TTC17: variants seen among roughly 807,000 people sequenced by gnomAD.
TTC17 encodes the protein tetratricopeptide repeat domain 17, also known as tetratricopeptide repeat protein 17.
TTC17 carries 58 observed loss-of-function variants against 143.8 expected under a neutral mutation model. The observed-to-expected ratio is 0.40, with a 90% CI of 0.33 to 0.50. The LOEUF (loss-of-function observed/expected upper bound fraction) is 0.50, where lower values mean the gene tolerates loss of function less well. TTC17 is among the 20% of genes least tolerant of loss of function. The pLI is 0.49. For synonymous variants in TTC17, 501 were observed against 497.8 expected (o/e 1.01, Z -0.09); for missense variants, 1,273 against 1,392.5 (o/e 0.91, Z 1.37).
At chr11:43,481,353 T>G (rs927105256) in intron 21 of TTC17, among the ~76,000 whole-genome samples, 6 of 152,154 alleles carry the variant, frequency 3.9e-5, no homozygotes, top group African/African-American at 1.2e-4. Context: ...TGGTCTGTGG[T>G]TTTTTTTATT....
chr11:43,465,110 AC>A (rs1450712526), intron 21 of TTC17, among the ~76,000 whole-genome samples: 12 of 152,350 alleles, frequency 7.9e-5, no homozygotes, highest in Admixed American at 7.8e-4. Flanking sequence ...GGGTAAGTGA[AC>A]TTTGGTTCTA....
At chr11:43,423,777 A>G (rs1278384182) in intron 16 of TTC17, among the ~76,000 whole-genome samples, 3 of 152,222 alleles carry the variant, frequency 2.0e-5, no homozygotes, top group East Asian at 3.8e-4. Flanking sequence ...ACTGCTAGCT[A>G]TGGAAAAATC....
At position 43,451,164 on chromosome 11, in the gene TTC17, T is replaced by C. The variant is rs774718559; in HGVS notation, c.2947-18T>C. The stretch of plus-strand genomic sequence containing the variant: ...CATCGTTTTCATTCTTCTAATCTAC[T>C]ATCTTCCTTCCTTCCAGGTATTACA... On this transcript the variant is annotated intron_variant, in intron 20 of 23. Coordinates refer to ENST00000039989, the MANE Select transcript of TTC17 (RefSeq NM_018259.6). 1.2e-6 allele frequency: 2 copies of C among 1,611,170 alleles called. No homozygotes were observed. The highest frequency in any genetic ancestry group is 3.3e-5 in the Admixed American group (2 of 59,996).
chr11:43,416,432 A>G (rs1343002806), intron 16 of TTC17, among the ~76,000 whole-genome samples: 3 of 152,046 alleles, frequency 2.0e-5, no homozygotes, highest in Admixed American at 6.6e-5. Flanking sequence ...TTAATTTTAC[A>G]TGTTTTTATT....
In TTC17 at chr11:43,432,213, G is replaced by A. The variant is rs146649025; in HGVS notation, c.2252-11112G>A. Among the ~76,000 whole-genome samples, 906 of 119,656 alleles carry A rather than the reference G, an allele frequency of 7.6e-3. 4 individuals carry two copies. The highest frequency in any genetic ancestry group is 0.012 in the Non-Finnish European group (669 of 57,838). 78.5% of individuals were successfully genotyped at this position (119,656 alleles called of 152,430 possible). The stretch of plus-strand genomic sequence containing the variant: ...CACATGATAAATTGTGACTTTACCC[G>A]TCAGGAGACTTTACTTTGACAAGTA... On this transcript the variant is annotated intron_variant, in intron 16 of 23. Coordinates refer to ENST00000039989, the MANE Select transcript of TTC17 (RefSeq NM_018259.6).
At chr11:43,471,731 C>T (rs61429470) in intron 21 of TTC17, among the ~76,000 whole-genome samples, 62,596 of 152,100 alleles carry the variant, frequency 0.41, 13,821 homozygotes, top group African/African-American at 0.55. Flanking sequence ...AGTAATAATA[C>T]GTATTTTCAG....
At chr11:43,407,089 G>T in intron 13 of TTC17, 49 bp from the exon 14 acceptor site, 1 of 1,328,020 alleles carries the variant, frequency 7.5e-7, no homozygotes, top group Admixed American at 2.2e-5. Context: ...CTTTTCAAAT[G>T]TCTTCCCTGT....
intron 15 of TTC17, among the ~76,000 whole-genome samples, chr11:43,411,866 T>C (rs1017008961): frequency 6.6e-6 from 1 of 152,206 alleles, no homozygotes; most frequent in Non-Finnish European, 1.5e-5. Context: ...GAATATTTTT[T>C]ATCCTCTGGC....
At chr11:43,363,963 G>A (rs777906432) in intron 1 of TTC17, among the ~76,000 whole-genome samples, 1 of 151,934 alleles carries the variant, frequency 6.6e-6, no homozygotes, top group Non-Finnish European at 1.5e-5. Context: ...GTGTGGAAGG[G>A]TCCTAAATAA....
At chr11:43,455,686 G>A (rs1489437587) in intron 21 of TTC17, among the ~76,000 whole-genome samples, 2 of 151,966 alleles carry the variant, frequency 1.3e-5, no homozygotes. Flanking sequence ...AGTAGAAACA[G>A]CATCTAAATC....
At position 43,397,391 on chromosome 11, in the gene TTC17, A is replaced by G; in HGVS notation, c.818A>G (p.His273Arg). ...CTGGTCAACCTGGCAAACGTTCTAC[A>G]CAGAGCACACTTCTCTGCTGATGCT... ...IALVNLANVLHRAHFSADAAV... is the reference protein window; with the variant it reads ...IALVNLANVLRRAHFSADAAV... The change falls in exon 7 of 24, where the codon CAC becomes CGC. Residue 273 changes from histidine to arginine, a missense_variant. This residue lies in a region of TTC17 where 325 missense variants were observed against 444.2 expected (regional missense o/e 0.73). Coordinates refer to ENST00000039989, the MANE Select transcript of TTC17 (RefSeq NM_018259.6). 6.2e-7 allele frequency: 1 copy of G among 1,612,926 alleles called. No homozygotes were observed. Among genetic ancestry groups the G allele is most frequent in the Non-Finnish European group, 8.5e-7 (1 of 1,180,002 alleles).
At chr11:43,384,856 CA>C (rs1565137054) in intron 2 of TTC17, among the ~76,000 whole-genome samples, 1 of 151,960 alleles carries the variant, frequency 6.6e-6, no homozygotes, top group Non-Finnish European at 1.5e-5. Context: ...AATTTTAATG[CA>C]AAAAATTTTT....
chr11:43,410,651 A>G (rs887549559), intron 15 of TTC17, among the ~76,000 whole-genome samples: 3 of 152,346 alleles, frequency 2.0e-5, no homozygotes, highest in East Asian at 1.9e-4. Flanking sequence ...CCTGAACTCC[A>G]GACTCCTTTA....
intron 1 of TTC17, chr11:43,359,336 T>C: frequency 1.9e-6 from 1 of 526,648 alleles, no homozygotes; most frequent in Non-Finnish European, 3.1e-6. Context: ...TTCTCACCCT[T>C]CCACCTCGCG....
Position 43,482,096 on chromosome 11 carries a change from C to G in TTC17, c.3031-8143C>G, listed in dbSNP as rs532987812. ...AAGTGCTGGGATTACAGCCACCATGCTTGGCCATTTTATTGATCTTAAATA... is the reference window on the plus strand; with the variant it reads ...AAGTGCTGGGATTACAGCCACCATGGTTGGCCATTTTATTGATCTTAAATA... On this transcript the variant is annotated intron_variant, in intron 21 of 23. Coordinates refer to ENST00000039989, the MANE Select transcript of TTC17 (RefSeq NM_018259.6). Among the ~76,000 whole-genome samples, 4 of 152,228 alleles carry G rather than the reference C, an allele frequency of 2.6e-5. No individual in the cohort carries two copies. The South Asian group carries it at 6.2e-4, about 24-fold the overall frequency.
At chr11:43,490,079 G>T in intron 21 of TTC17, 160 bp from the exon 22 acceptor site, 1 of 928,448 alleles carries the variant, frequency 1.1e-6, no homozygotes. Context: ...TTGTTCTAAG[G>T]ATTAATGAAG....
chr11:43,449,430 C>G (rs1947615040), intron 19 of TTC17: 1 of 152,228 alleles, frequency 6.6e-6, no homozygotes, highest in African/African-American at 2.4e-5. Flanking sequence ...AGTGCAGAGG[C>G]AACATATATC....
chr11:43,462,228 A>G (rs1947882490), intron 21 of TTC17, among the ~76,000 whole-genome samples: 1 of 152,190 alleles, frequency 6.6e-6, no homozygotes. Context: ...GTGCCCCCCT[A>G]CAAAGATATC....
chr11:43,364,843 T>A (rs1479014887), intron 1 of TTC17, among the ~76,000 whole-genome samples: 1 of 152,242 alleles, frequency 6.6e-6, no homozygotes, highest in African/African-American at 2.4e-5. Context: ...TTCGCTCTTG[T>A]TGCCCAGGCT....
Sources: allele counts gnomAD v4.1 joint callset (sites outside exome capture counted in the v4.1 genomes callset), GRCh38; gene constraint gnomAD v4.1.1; regional missense constraint gnomAD v4.1.1; transcripts MANE v1.5; gene names NCBI Gene and HGNC (gene_info 2026-07-23, HGNC 2026-07-21).